ASH1L: variants seen among roughly 807,000 people sequenced by gnomAD.
ASH1L encodes the protein histone-lysine N-methyltransferase ASH1L.
Under a neutral mutation model 269.0 loss-of-function variants are expected in ASH1L, and 23 were observed. The observed-to-expected ratio is 0.09, with a 90% CI of 0.06 to 0.12. ASH1L has a LOEUF of 0.12. Ranked by LOEUF, ASH1L falls within the 10% of genes least tolerant of loss-of-function variation. The probability of loss-of-function intolerance (pLI) is 1.00; values close to 1 mark genes in which losing one functional copy is unlikely to be tolerated. For synonymous variants in ASH1L, 1,187 were observed against 1,253.5 expected (o/e 0.95, Z 1.12); for missense variants, 2,912 against 3,567.8 (o/e 0.82, Z 4.68).
At chr1:155,513,668 A>G (rs1368229137) in intron 2 of ASH1L, among the ~76,000 whole-genome samples, 1 of 151,926 alleles carries the variant, frequency 6.6e-6, no homozygotes, top group African/African-American at 2.4e-5. Context: ...CAAAAATTCC[A>G]CTTCCACATA....
At chr1:155,357,194 C>T in intron 15 of ASH1L, 122 bp downstream of exon 15, 1 of 592,560 alleles carries the variant, frequency 1.7e-6, no homozygotes, top group Non-Finnish European at 2.9e-6. Context: ...CATAGATCCC[C>T]TGAACCCTTT....
At chr1:155,426,496 T>C (rs113522525) in intron 5 of ASH1L, among the ~76,000 whole-genome samples, 8,103 of 152,140 alleles carry the variant, frequency 0.053, 725 homozygotes, top group African/African-American at 0.19. Context: ...ACACCGCGCC[T>C]GGCCCATTAA....
intron 2 of ASH1L, among the ~76,000 whole-genome samples, chr1:155,507,308 A>T (rs1051925611): frequency 5.3e-5 from 8 of 152,296 alleles, no homozygotes; most frequent in Admixed American, 4.6e-4. Flanking sequence ...CTTCACTGAA[A>T]TTCAAAATTA....
intron 2 of ASH1L, among the ~76,000 whole-genome samples, chr1:155,510,146 C>T (rs1388070473): frequency 2.0e-5 from 3 of 152,018 alleles, no homozygotes; most frequent in East Asian, 1.9e-4. Context: ...CTGGGCGCAG[C>T]GGCTCGTGCC....
At chr1:155,444,050 C>G (rs924321604) in intron 4 of ASH1L, among the ~76,000 whole-genome samples, 3 of 131,104 alleles carry the variant, frequency 2.3e-5, no homozygotes, top group African/African-American at 8.9e-5. Flanking sequence ...GTGGCGTGAT[C>G]TTGGCTCACT....
At chr1:155,417,051 C>T (rs1660278238) in intron 5 of ASH1L, among the ~76,000 whole-genome samples, 3 of 151,808 alleles carry the variant, frequency 2.0e-5, no homozygotes, top group East Asian at 3.9e-4. Flanking sequence ...CCTACCTCAG[C>T]CTCCTGAGTA....
At chr1:155,346,126 G>A in intron 21 of ASH1L, 1 of 1,355,178 alleles carries the variant, frequency 7.4e-7, no homozygotes, top group Non-Finnish European at 9.7e-7. Context: ...GAGCGACCGT[G>A]CCCGGCCAAA....
chr1:155,465,733 G>A (rs1287084634), intron 3 of ASH1L, among the ~76,000 whole-genome samples: 3 of 152,092 alleles, frequency 2.0e-5, no homozygotes, highest in South Asian at 2.1e-4. Flanking sequence ...GTTAAACAAC[G>A]ACTGAACCAA....
rs759173972 is a variant in ASH1L, at chr1:155,438,715, C to T, written c.5440G>A (p.Asp1814Asn). Residue 1814 changes from aspartate to asparagine, a missense_variant, in exon 5 of 28, where the codon GAC becomes AAC. Coordinates refer to ENST00000392403, the MANE Select transcript of ASH1L (RefSeq NM_018489.3). ...TTTTTCTTTGTGGCCAAGATTTTGTCGTAATTGCACATTTTCCGAGCTTGG... is the reference window on the plus strand; with the variant it reads ...TTTTTCTTTGTGGCCAAGATTTTGTTGTAATTGCACATTTTCCGAGCTTGG... ...QRQARKMCNY[D>N]KILATKKNLD... The T allele has an allele frequency of 2.2e-5, 35 of 1,613,780 alleles. No homozygotes were observed. The highest frequency in any genetic ancestry group is 2.9e-5 in the Non-Finnish European group (34 of 1,179,990).
At chr1:155,463,714 G>C (rs1664469855) in intron 3 of ASH1L, among the ~76,000 whole-genome samples, 2 of 152,092 alleles carry the variant, frequency 1.3e-5, no homozygotes, top group Admixed American at 6.6e-5. Context: ...AAGATCGCTT[G>C]AGCCCAGGAG....
intron 2 of ASH1L, among the ~76,000 whole-genome samples, chr1:155,503,308 T>C (rs1299980581): frequency 7.2e-6 from 1 of 138,566 alleles, no homozygotes; most frequent in East Asian, 1.9e-4. Flanking sequence ...AATATTCTAG[T>C]GTATCTACCA....
At position 155,481,400 on chromosome 1, in the gene ASH1L, C is replaced by A. The variant is rs1570942991; in HGVS notation, c.1470G>T (p.Leu490Phe). The change falls in exon 3 of 28, where the codon TTG becomes TTT. Residue 490 changes from leucine to phenylalanine, a missense_variant. By Grantham distance (22) the Leu-to-Phe change is conservative. Around this residue, in one of 13 missense-constraint regions of ASH1L, gnomAD observed 715 missense variants for 721.0 expected, o/e 0.99. Coordinates refer to ENST00000392403, the MANE Select transcript of ASH1L (RefSeq NM_018489.3). ...KFSVRKEIIN[L>F]EKEMFNEGTC... The stretch of plus-strand genomic sequence containing the variant: ...TTCCTTCATTAAACATTTCTTTCTC[C>A]AAATTAATGATTTCTTTTCGTACTG... 1 of 1,613,972 alleles carries A rather than the reference C, an allele frequency of 6.2e-7. No individual in the cohort carries two copies. Among genetic ancestry groups the A allele is most frequent in the Non-Finnish European group, 8.5e-7 (1 of 1,179,948 alleles).
At chr1:155,528,348 A>C (rs370589219) in intron 1 of ASH1L, among the ~76,000 whole-genome samples, 3 of 152,130 alleles carry the variant, frequency 2.0e-5, no homozygotes, top group Admixed American at 1.3e-4. Context: ...TACCTTCAAA[A>C]TGTATGCAGA....
chr1:155,446,628 T>TC (rs1413840450), intron 4 of ASH1L, among the ~76,000 whole-genome samples: 1 of 147,064 alleles, frequency 6.8e-6, no homozygotes, highest in African/African-American at 2.5e-5. Flanking sequence ...TTTTTTTTCT[T>TC]TTTTTTTTTT....
intron 2 of ASH1L, among the ~76,000 whole-genome samples, chr1:155,487,740 C>T (rs747936373): frequency 1.1e-4 from 17 of 151,934 alleles, no homozygotes; most frequent in Non-Finnish European, 2.1e-4. Flanking sequence ...CATGAAAATT[C>T]GCTGAGCTGT....
chr1:155,530,326 A>G (rs116405036), intron 1 of ASH1L, among the ~76,000 whole-genome samples: 3,115 of 152,292 alleles, frequency 0.02, 105 homozygotes, highest in African/African-American at 0.072. Flanking sequence ...GTTCACTGCT[A>G]TATCCCAGCA....
chr1:155,563,093 A>C, upstream of ASH1L: 1 of 455,128 alleles, frequency 2.2e-6, no homozygotes, highest in South Asian at 1.5e-5. Flanking sequence ...TCCTCGCCGC[A>C]GCGCTGCGGC....
At chr1:155,549,280 T>G (rs532329939) in intron 1 of ASH1L, among the ~76,000 whole-genome samples, 1 of 152,062 alleles carries the variant, frequency 6.6e-6, no homozygotes, top group African/African-American at 2.4e-5. Context: ...GAGTTTGAGG[T>G]TGCAGTGAGC....
chr1:155,384,304 A>C (rs1285340813), intron 7 of ASH1L, among the ~76,000 whole-genome samples: 1 of 152,126 alleles, frequency 6.6e-6, no homozygotes, highest in East Asian at 1.9e-4. Context: ...TTCCTGACAG[A>C]TATTTTCATT....
Sources: allele counts gnomAD v4.1 joint callset (sites outside exome capture counted in the v4.1 genomes callset), GRCh38; gene constraint gnomAD v4.1.1; regional missense constraint gnomAD v4.1.1; transcripts MANE v1.5; gene names NCBI Gene and HGNC (gene_info 2026-07-23, HGNC 2026-07-21).